The following AKT3 variants were observed in gnomAD, a reference collection of about 807,000 sequenced individuals.
AKT3 encodes AKT serine/threonine kinase 3.
In AKT3, 15 loss-of-function variants were observed where a neutral mutation model predicts 65.3. The observed-to-expected ratio is 0.23, with a 90% CI of 0.15 to 0.35. The LOEUF (loss-of-function observed/expected upper bound fraction) is 0.35. Among genes scored for constraint, AKT3 ranks in the 10% least tolerant of loss-of-function variants. The probability of loss-of-function intolerance (pLI) is 1.00; values close to 1 mark genes in which losing one functional copy is unlikely to be tolerated. For synonymous variants in AKT3, 206 were observed against 183.8 expected (o/e 1.12, Z -0.98); for missense variants, 243 against 576.5 (o/e 0.42, Z 5.92).
intron 2 of AKT3, among the ~76,000 whole-genome samples, chr1:243,798,863 A>G (rs552225374): frequency 2.6e-5 from 4 of 152,296 alleles, no homozygotes; most frequent in East Asian, 3.9e-4. Context: ...TTAGTCACCA[A>G]TGAGCTCCTT....
intron 2 of AKT3, among the ~76,000 whole-genome samples, chr1:243,752,401 C>A (rs548450746): frequency 2.0e-5 from 3 of 152,060 alleles, no homozygotes; most frequent in South Asian, 4.2e-4. Context: ...TTTTTGTGGT[C>A]GATGCTATAA....
chr1:243,593,548 G>A (rs1035469008), intron 8 of AKT3, among the ~76,000 whole-genome samples: 1 of 152,126 alleles, frequency 6.6e-6, no homozygotes, highest in African/African-American at 2.4e-5. Context: ...TTAGCTGGGT[G>A]CAGTGGTGGG....
intron 8 of AKT3, among the ~76,000 whole-genome samples, chr1:243,593,760 G>C (rs868619904): frequency 1.3e-5 from 2 of 152,186 alleles, no homozygotes; most frequent in South Asian, 2.1e-4. Context: ...AATGTCCACT[G>C]ATGGTAAAAT....
chr1:243,601,984 C>A (rs1001034605), intron 8 of AKT3, among the ~76,000 whole-genome samples: 1 of 152,140 alleles, frequency 6.6e-6, no homozygotes, highest in Non-Finnish European at 1.5e-5. Context: ...AGTTTGACTA[C>A]CTTGAAATGG....
chr1:243,718,517 T>C (rs180715788), intron 2 of AKT3, among the ~76,000 whole-genome samples: 89 of 152,288 alleles, frequency 5.8e-4, no homozygotes, highest in Non-Finnish European at 1.1e-3. Flanking sequence ...TGGCATGATC[T>C]TGGCTCACTG....
intron 8 of AKT3, among the ~76,000 whole-genome samples, chr1:243,609,439 C>T (rs1379710617): frequency 2.0e-5 from 3 of 151,848 alleles, no homozygotes; most frequent in Non-Finnish European, 4.4e-5. Context: ...GGGCAGATCA[C>T]TTGAGGTCAG....
chr1:243,801,260 T>G (rs1407706936), intron 2 of AKT3, among the ~76,000 whole-genome samples: 1 of 152,218 alleles, frequency 6.6e-6, no homozygotes, highest in Non-Finnish European at 1.5e-5. Context: ...CAATTTCTAT[T>G]ATCTCTGAAC....
downstream of AKT3, among the ~76,000 whole-genome samples, chr1:243,497,939 C>T (rs1668444036): frequency 6.6e-6 from 1 of 152,184 alleles, no homozygotes; most frequent in Non-Finnish European, 1.5e-5. Flanking sequence ...GCCCCAGCCT[C>T]CCAAAGCACT....
At chr1:243,619,293 T>C (rs537697161) in intron 6 of AKT3, among the ~76,000 whole-genome samples, 49 of 152,290 alleles carry the variant, frequency 3.2e-4, no homozygotes, top group African/African-American at 1.2e-3. Context: ...ATTCCATATG[T>C]GTAATGACCA....
At chr1:243,825,901 G>A (rs1161575210) in intron 2 of AKT3, among the ~76,000 whole-genome samples, 1 of 152,112 alleles carries the variant, frequency 6.6e-6, no homozygotes, top group Non-Finnish European at 1.5e-5. Context: ...GGAGGCCAAG[G>A]CAGGCAGAAC....
chr1:243,520,529 C>T (rs146112701), intron 12 of AKT3, among the ~76,000 whole-genome samples: 1 of 152,324 alleles, frequency 6.6e-6, no homozygotes, highest in East Asian at 1.9e-4. Context: ...TGTCAACTGA[C>T]TGAATGTAAA....
At chr1:243,720,285 C>T (rs1686794618) in intron 2 of AKT3, among the ~76,000 whole-genome samples, 1 of 151,100 alleles carries the variant, frequency 6.6e-6, no homozygotes, top group African/African-American at 2.4e-5. Flanking sequence ...GCAACAAGAA[C>T]AAAACTCAAA....
chr1:243,492,295 C>CTT (rs33950392), intron 13 of AKT3, among the ~76,000 whole-genome samples: 20,051 of 62,940 alleles, frequency 0.32, 7,678 homozygotes, highest in Middle Eastern at 0.64. Flanking sequence ...CGTTTCTTGG[C>CTT]TTTTTTTTTT....
At chr1:243,649,594 T>G (rs1328142654) in intron 4 of AKT3, among the ~76,000 whole-genome samples, 2 of 152,024 alleles carry the variant, frequency 1.3e-5, no homozygotes, top group African/African-American at 4.8e-5. Context: ...CCCCAGTATG[T>G]GATGTTCCCC....
intron 6 of AKT3, among the ~76,000 whole-genome samples, chr1:243,635,250 C>T (rs1021706377): frequency 2.6e-5 from 4 of 151,624 alleles, no homozygotes; most frequent in Non-Finnish European, 4.4e-5. Context: ...AACAAAAATA[C>T]GACAGACTAA....
chr1:243,531,282 G>A (rs1671509569), intron 12 of AKT3, among the ~76,000 whole-genome samples: 1 of 151,952 alleles, frequency 6.6e-6, no homozygotes, highest in East Asian at 1.9e-4. Flanking sequence ...TGGTAAAGGT[G>A]GGGTTTTGCC....
chr1:243,824,485 GA>G (rs1694042832), intron 2 of AKT3, among the ~76,000 whole-genome samples: 1 of 152,090 alleles, frequency 6.6e-6, no homozygotes, highest in Admixed American at 6.5e-5. Flanking sequence ...TGTACAGGGA[GA>G]AAATTTTTGC....
intron 2 of AKT3, chr1:243,788,580 C>A (rs900024923): frequency 3.9e-5 from 6 of 152,248 alleles, no homozygotes; most frequent in African/African-American, 1.4e-4. Context: ...ACGTTCTGTT[C>A]CAGACCACCA....
At chr1:243,649,625 C>T (rs1227876998) in intron 4 of AKT3, among the ~76,000 whole-genome samples, 1 of 151,990 alleles carries the variant, frequency 6.6e-6, no homozygotes, top group Non-Finnish European at 1.5e-5. Flanking sequence ...CATGTGTTCT[C>T]ATTGTTCAAC....
Sources: allele counts gnomAD v4.1 joint callset (sites outside exome capture counted in the v4.1 genomes callset), GRCh38; gene constraint gnomAD v4.1.1; transcripts MANE v1.5; gene names NCBI Gene and HGNC (gene_info 2026-07-23, HGNC 2026-07-21).